GRIK3: variants seen among roughly 807,000 people sequenced by gnomAD.
GRIK3 encodes glutamate ionotropic receptor kainate type subunit 3.
In GRIK3, 29 loss-of-function variants were observed where a neutral mutation model predicts 102.5. That is an observed-to-expected ratio of 0.28 (90% CI 0.21 to 0.39). The LOEUF is 0.39. Among genes scored for constraint, GRIK3 ranks in the 10% least tolerant of loss-of-function variants. GRIK3 has a pLI of 1.00. For missense variants in GRIK3, 908 were observed against 1,252.4 expected, an observed-to-expected ratio of 0.73 and a Z score of 4.15; for synonymous variants, 511 against 504.9, an observed-to-expected ratio of 1.01 and a Z score of -0.16.
chr1:37,012,235 G>C (rs1642604220), intron 1 of GRIK3, among the ~76,000 whole-genome samples: 1 of 152,240 alleles, frequency 6.6e-6, no homozygotes, highest in Non-Finnish European at 1.5e-5. Flanking sequence ...GGCTAGTTCA[G>C]CGATTTTGTA....
chr1:37,019,796 G>A (rs1029145922), intron 1 of GRIK3, among the ~76,000 whole-genome samples: 6 of 152,118 alleles, frequency 3.9e-5, no homozygotes, highest in African/African-American at 7.2e-5. Flanking sequence ...CTGATTCTGC[G>A]AATCCCAGCA....
chr1:37,027,330 C>T (rs925630005), intron 1 of GRIK3, among the ~76,000 whole-genome samples: 2 of 152,172 alleles, frequency 1.3e-5, no homozygotes, highest in Non-Finnish European at 2.9e-5. Context: ...AGTCCCCTGG[C>T]CCTCAATTTG....
At position 36,825,670 on chromosome 1, in the gene GRIK3, G is replaced by C; in HGVS notation, c.1687C>G (p.Pro563Ala). 1 of 1,613,228 alleles carries C rather than the reference G, an allele frequency of 6.2e-7. No homozygotes were observed. The highest frequency in any genetic ancestry group is 1.1e-5 in the South Asian group (1 of 90,848). ...AGGAGAACATACATCCAGATGTCTG[G>C]GGACAGGGGATTGAGGAAGGAGAAG... ...SVFSFLNPLS[P>A]DIWMYVLLAY... Residue 563 changes from proline to alanine, a missense_variant, in exon 11 of 16, where the codon CCA becomes GCA. This residue lies in a region of GRIK3 where 585 missense variants were observed against 824.9 expected (regional missense o/e 0.71). Transcript: ENST00000373091.
chr1:36,983,325 G>A (rs1642269420), intron 1 of GRIK3, among the ~76,000 whole-genome samples: 1 of 152,046 alleles, frequency 6.6e-6, no homozygotes, highest in Admixed American at 6.6e-5. Flanking sequence ...TCTGCCCCAT[G>A]CACACACTCC....
chr1:36,977,887 A>T (rs1642211203), intron 1 of GRIK3, among the ~76,000 whole-genome samples: 1 of 152,238 alleles, frequency 6.6e-6, no homozygotes, highest in Non-Finnish European at 1.5e-5. Context: ...CCAGAACTCC[A>T]TGTGGAGCCA....
intron 11 of GRIK3, among the ~76,000 whole-genome samples, chr1:36,820,204 G>T (rs1489154671): frequency 6.6e-6 from 1 of 152,116 alleles, no homozygotes; most frequent in Non-Finnish European, 1.5e-5. Flanking sequence ...AAAAAACCTG[G>T]AAACCACCAA....
intron 2 of GRIK3, among the ~76,000 whole-genome samples, chr1:36,886,946 CTG>C (rs1641043887): frequency 1.3e-5 from 2 of 152,244 alleles, no homozygotes; most frequent in South Asian, 4.1e-4. Flanking sequence ...TTTTTAATTG[CTG>C]ATTAAAATTC....
chr1:36,855,919 A>T (rs567981745), intron 7 of GRIK3, among the ~76,000 whole-genome samples: 41 of 152,354 alleles, frequency 2.7e-4, no homozygotes, highest in African/African-American at 9.6e-4. Flanking sequence ...ACTGAGGCTC[A>T]AAGAGGGACT....
intron 2 of GRIK3, among the ~76,000 whole-genome samples, chr1:36,889,856 G>T (rs1641082559): frequency 6.6e-6 from 1 of 152,130 alleles, no homozygotes; most frequent in Non-Finnish European, 1.5e-5. Context: ...ACCCACGAGG[G>T]CCTCTGCACT....
chr1:36,798,308 G>C lies in GRIK3; in HGVS notation c.*3543C>G, dbSNP rs1642392496. 1 of 152,260 alleles carries C rather than the reference G, an allele frequency of 6.6e-6. No individual in the cohort carries two copies. Among genetic ancestry groups the C allele is most frequent in the South Asian group, 2.1e-4 (1 of 4,830 alleles). 9.4% of individuals were successfully genotyped at this position (152,260 alleles called of 1,614,324 possible). On this transcript the variant is annotated 3_prime_UTR_variant, in exon 16 of 16. Transcript: ENST00000373091. ...TGGAGAGGAGGCACTTGCATTTGGG[G>C]ATGCAGTGGGGACATTCTTCTGTTC...
intron 14 of GRIK3, among the ~76,000 whole-genome samples, chr1:36,805,677 C>G (rs527245184): frequency 2.7e-3 from 418 of 152,266 alleles, no homozygotes; most frequent in African/African-American, 9.3e-3. Context: ...TGGCTCATGC[C>G]TGTAATCCCA....
In GRIK3 at chr1:36,909,577, A is replaced by C. The variant is rs182885551; in HGVS notation, c.116-18481T>G. Among the ~76,000 whole-genome samples the C allele has an allele frequency of 2.6e-5, 4 of 152,298 alleles. No homozygotes were observed. The East Asian group carries it at 7.7e-4, about 29-fold the overall frequency. Reference sequence around the variant, plus strand: ...CGGCCTCCCAAAGTGCTAGGATGACAGGTGTGAGCCACTGCGCCCGGCCTT... The same window carrying C: ...CGGCCTCCCAAAGTGCTAGGATGACCGGTGTGAGCCACTGCGCCCGGCCTT... On this transcript the variant is annotated intron_variant, in intron 1 of 15. Transcript: ENST00000373091.
In GRIK3 at chr1:36,953,477, T is replaced by C. The variant is rs573042788; in HGVS notation, c.116-62381A>G. Among the ~76,000 whole-genome samples, 4 of 152,136 alleles carry C rather than the reference T, an allele frequency of 2.6e-5. No homozygotes were observed. The South Asian group carries it at 6.2e-4, about 24-fold the overall frequency. ...CAGGAGAGTGCCATGATCAAAATTGTAGATCTCACATGTGGAACAGATTGA... is the reference window on the plus strand; with the variant it reads ...CAGGAGAGTGCCATGATCAAAATTGCAGATCTCACATGTGGAACAGATTGA... On this transcript the variant is annotated intron_variant, in intron 1 of 15. Coordinates refer to ENST00000373091, the MANE Select transcript of GRIK3 (RefSeq NM_000831.4).
intron 1 of GRIK3, among the ~76,000 whole-genome samples, chr1:36,902,906 C>T (rs749216421): frequency 6.6e-5 from 10 of 152,070 alleles, no homozygotes; most frequent in Non-Finnish European, 1.0e-4. Context: ...TCTCCTGTCT[C>T]AGCCTCCTGA....
intron 10 of GRIK3, among the ~76,000 whole-genome samples, chr1:36,826,680 TA>T (rs57217516): frequency 0.058 from 6,309 of 108,024 alleles, 359 homozygotes; most frequent in African/African-American, 0.19. Context: ...TTTCAAAAAA[TA>T]AAAAAAAAAA....
chr1:37,010,898 C>T (rs1249461382), intron 1 of GRIK3, among the ~76,000 whole-genome samples: 4 of 152,028 alleles, frequency 2.6e-5, no homozygotes, highest in South Asian at 2.1e-4. Context: ...CCCACCACCG[C>T]GCCCGGCTAA....
intron 1 of GRIK3, among the ~76,000 whole-genome samples, chr1:37,023,695 G>C (rs982437114): frequency 5.3e-5 from 8 of 152,224 alleles, no homozygotes; most frequent in Non-Finnish European, 1.0e-4. Context: ...ATGGCAGGAA[G>C]CATGCGAGAC....
intron 1 of GRIK3, among the ~76,000 whole-genome samples, chr1:36,930,967 T>G (rs1457709241): frequency 6.6e-6 from 1 of 152,176 alleles, no homozygotes; most frequent in Non-Finnish European, 1.5e-5. Context: ...CTGCTGACCC[T>G]ATATCTCTGG....
At chr1:36,966,797 T>C (rs1425072370) in intron 1 of GRIK3, among the ~76,000 whole-genome samples, 6 of 152,016 alleles carry the variant, frequency 3.9e-5, no homozygotes, top group Admixed American at 6.6e-5. Context: ...CTCATACTCA[T>C]ATGGATTCTG....
Sources: allele counts gnomAD v4.1 joint callset (sites outside exome capture counted in the v4.1 genomes callset), GRCh38; gene constraint gnomAD v4.1.1; regional missense constraint gnomAD v4.1.1; transcripts MANE v1.5; gene names NCBI Gene and HGNC (gene_info 2026-07-23, HGNC 2026-07-21).